MACROD2: variants seen among roughly 807,000 people sequenced by gnomAD.
The protein encoded by MACROD2 is ADP-ribose glycohydrolase MACROD2.
In MACROD2, 36 loss-of-function variants were observed where a neutral mutation model predicts 70.4. The observed-to-expected ratio is 0.51, with a 90% CI of 0.39 to 0.68. The LOEUF (loss-of-function observed/expected upper bound fraction) is 0.68, where lower values mean the gene tolerates loss of function less well. MACROD2 is among the 30% of genes least tolerant of loss of function. MACROD2 has a pLI of 0.00. For missense variants in MACROD2, 496 were observed against 538.4 expected (o/e 0.92, Z 0.78); for synonymous variants, 172 against 178.8 (o/e 0.96, Z 0.30).
intron 8 of MACROD2, among the ~76,000 whole-genome samples, chr20:15,648,371 G>A (rs1466805014): frequency 6.6e-6 from 1 of 152,024 alleles, no homozygotes; most frequent in Non-Finnish European, 1.5e-5. Flanking sequence ...CAGGACCTTG[G>A]GCCTCCTTTT....
chr20:15,198,248 C>T (rs1418195273), intron 5 of MACROD2, among the ~76,000 whole-genome samples: 5 of 152,090 alleles, frequency 3.3e-5, no homozygotes, highest in Non-Finnish European at 7.3e-5. Context: ...CATGAGCCAA[C>T]GCACCCAGCC....
At chr20:14,566,579 C>A (rs1447638795) in intron 4 of MACROD2, 1 of 151,686 alleles carries the variant, frequency 6.6e-6, no homozygotes, top group Non-Finnish European at 1.5e-5. Context: ...GGTCAGATTC[C>A]CCTTTAGGAC....
intron 3 of MACROD2, among the ~76,000 whole-genome samples, chr20:14,247,426 C>T (rs531727078): frequency 8.9e-4 from 136 of 152,102 alleles, no homozygotes; most frequent in African/African-American, 3.0e-3. Flanking sequence ...AATATGGCTA[C>T]GTAAGAATTA....
At chr20:14,838,178 C>T (rs535602377) in intron 5 of MACROD2, among the ~76,000 whole-genome samples, 2 of 152,024 alleles carry the variant, frequency 1.3e-5, no homozygotes, top group Admixed American at 6.6e-5. Flanking sequence ...TCATTTTGCC[C>T]ATCTCTTTTG....
intron 8 of MACROD2, among the ~76,000 whole-genome samples, chr20:15,685,874 C>A (rs982341891): frequency 6.6e-6 from 1 of 152,126 alleles, no homozygotes; most frequent in African/African-American, 2.4e-5. Context: ...GTTTGCTACT[C>A]GATATTGAAA....
chr20:14,213,321 C>G (rs1312985506), intron 3 of MACROD2, among the ~76,000 whole-genome samples: 2 of 109,454 alleles, frequency 1.8e-5, no homozygotes, highest in Non-Finnish European at 3.3e-5. Context: ...TATAGAATTG[C>G]TAGAGATGGG....
intron 3 of MACROD2, among the ~76,000 whole-genome samples, chr20:14,168,767 T>C (rs886345684): frequency 1.3e-5 from 2 of 152,182 alleles, no homozygotes; most frequent in East Asian, 3.8e-4. Flanking sequence ...CTGAATTCTA[T>C]CAAACATTCA....
intron 8 of MACROD2, among the ~76,000 whole-genome samples, chr20:15,764,436 C>A (rs1242095972): frequency 6.6e-6 from 1 of 152,118 alleles, no homozygotes; most frequent in East Asian, 1.9e-4. Flanking sequence ...CTAAAAGGAA[C>A]TCTTGACTCC....
intron 12 of MACROD2, among the ~76,000 whole-genome samples, chr20:15,951,505 G>A (rs1205036052): frequency 6.6e-6 from 1 of 152,112 alleles, no homozygotes; most frequent in Admixed American, 6.6e-5. Context: ...GGCATTTAAT[G>A]AGAAGATTGT....
chr20:14,823,255 T>G (rs1288365756), intron 5 of MACROD2, among the ~76,000 whole-genome samples: 2 of 152,160 alleles, frequency 1.3e-5, no homozygotes, highest in Admixed American at 1.3e-4. Flanking sequence ...TCTTTTCCAT[T>G]TAAAAATTTT....
intron 4 of MACROD2, among the ~76,000 whole-genome samples, chr20:14,514,788 T>G (rs1835320474): frequency 6.6e-6 from 1 of 152,104 alleles, no homozygotes; most frequent in Non-Finnish European, 1.5e-5. Flanking sequence ...ATGGATGCCT[T>G]CTACAACTTC....
At chr20:16,040,547 T>C (rs184186337) in intron 15 of MACROD2, among the ~76,000 whole-genome samples, 153 of 152,072 alleles carry the variant, frequency 1.0e-3, no homozygotes, top group Non-Finnish European at 2.0e-3. Context: ...CCTGGAAATG[T>C]TTTTACAATA....
intron 8 of MACROD2, among the ~76,000 whole-genome samples, chr20:15,512,363 C>T (rs6043340): frequency 2.1e-4 from 32 of 152,332 alleles, no homozygotes; most frequent in African/African-American, 7.0e-4. Context: ...TCCCAATATC[C>T]TGTTGATAGT....
At chr20:14,244,258 G>A (rs189741997) in intron 3 of MACROD2, among the ~76,000 whole-genome samples, 104 of 152,254 alleles carry the variant, frequency 6.8e-4, no homozygotes, top group Non-Finnish European at 9.7e-4. Context: ...CTGGCCCATG[G>A]CACCTCTTAA....
chr20:14,619,238 T>C (rs1032940149), intron 4 of MACROD2, among the ~76,000 whole-genome samples: 17 of 151,718 alleles, frequency 1.1e-4, no homozygotes, highest in Non-Finnish European at 2.2e-4. Flanking sequence ...CTGTTAAAAT[T>C]ATACCATGAC....
chr20:14,836,010 G>C (rs770115975), intron 5 of MACROD2, among the ~76,000 whole-genome samples: 1 of 151,908 alleles, frequency 6.6e-6, no homozygotes, highest in Non-Finnish European at 1.5e-5. Context: ...TCCTATTTTT[G>C]CTAAACAGGT....
chr20:15,737,991 G>A lies in MACROD2; in HGVS notation c.646-124754G>A, dbSNP rs141297655. Among the ~76,000 whole-genome samples the A allele has an allele frequency of 2.5e-3, 383 of 152,154 alleles. 1 individual carries two copies. Among genetic ancestry groups the A allele is most frequent in the African/African-American group, 8.4e-3 (350 of 41,530 alleles). Reference sequence around the variant, plus strand: ...AGGTAAATATATAGATTAAAAGAGAGCTAAAAATTAAAACAAACTCATGGA... The same window carrying A: ...AGGTAAATATATAGATTAAAAGAGAACTAAAAATTAAAACAAACTCATGGA... On this transcript the variant is annotated intron_variant, in intron 8 of 17. Transcript: ENST00000684519.
intron 5 of MACROD2, among the ~76,000 whole-genome samples, chr20:15,071,482 G>C (rs1440428507): frequency 6.6e-6 from 1 of 152,156 alleles, no homozygotes; most frequent in Non-Finnish European, 1.5e-5. Flanking sequence ...TGTCTTAAGA[G>C]AAAAGAGAGG....
chr20:15,648,352 A>G (rs1469265759), intron 8 of MACROD2, among the ~76,000 whole-genome samples: 1 of 152,198 alleles, frequency 6.6e-6, no homozygotes, highest in African/African-American at 2.4e-5. Flanking sequence ...AGTCCAATAC[A>G]GGACTCCACA....
Sources: gnomAD v4.1 joint callset for allele counts (sites outside exome capture counted in the v4.1 genomes callset) on GRCh38, gnomAD v4.1.1 for gene constraint, MANE v1.5 for transcripts, NCBI Gene and HGNC (gene_info 2026-07-23, HGNC 2026-07-21) for gene names.